ITGB3: variants seen among roughly 807,000 people sequenced by gnomAD.
ITGB3 encodes the protein integrin beta-3.
ITGB3 carries 48 observed loss-of-function variants against 85.8 expected under a neutral mutation model. That is an observed-to-expected ratio of 0.56 (90% confidence interval 0.44 to 0.71). The LOEUF (loss-of-function observed/expected upper bound fraction) is 0.71. Ranked by LOEUF, ITGB3 falls within the 30% of genes least tolerant of loss-of-function variation. The pLI, the probability that ITGB3 is intolerant of heterozygous loss-of-function variation, is 0.00. For missense variants in ITGB3, 861 were observed against 1,019.1 expected (o/e 0.84, Z 2.11); for synonymous variants, 363 against 395.6 (o/e 0.92, Z 0.98).
chr17:47,255,966 T>A lies in ITGB3; in HGVS notation c.79+2026T>A, dbSNP rs1248018998. Among the ~76,000 whole-genome samples the A allele has an allele frequency of 2.8e-5, 4 of 141,448 alleles. No homozygotes were observed. The East Asian group carries it at 8.3e-4, about 29-fold the overall frequency. The allele number at this position is 141,448 out of a possible 152,430, so 92.8% of individuals were successfully genotyped here. On this transcript the variant is annotated intron_variant, in intron 1 of 14. Transcript: ENST00000559488. ...GGAGAAATCCACCAGGGCAACTCAG[T>A]AAAAATAAATAAATAAATAAATAAA...
chr17:47,291,187 G>GA (rs776717284), intron 9 of ITGB3, 99 bp downstream of exon 9: 191 of 1,396,244 alleles, frequency 1.4e-4, no homozygotes, highest in Middle Eastern at 6.8e-4. Context: ...CCTTCCACCA[G>GA]AAAAAAAATA....
At chr17:47,276,303 A>C (rs916608471) in intron 2 of ITGB3, among the ~76,000 whole-genome samples, 1 of 152,180 alleles carries the variant, frequency 6.6e-6, no homozygotes, top group African/African-American at 2.4e-5. Context: ...CTAGCCATGC[A>C]GCTGAGGTGG....
rs2065094755 is a variant in ITGB3 at position 47,284,343 on chromosome 17, GC to G, written c.362-99del. ...AAAAGGGACCAGGGCTTTCTGGTTT[GC>G]TTTGATCATGCAATTTCTTAGTCCC... is the stretch of plus-strand genomic sequence containing the variant. On this transcript the variant is annotated intron_variant, in intron 3 of 14. Transcript: ENST00000559488. The G allele has an allele frequency of 9.9e-6, 14 of 1,414,864 alleles. No homozygotes were observed. In the South Asian group the frequency reaches 1.6e-4, roughly 17 times the overall value. 87.6% of individuals were successfully genotyped at this position (1,414,864 alleles called of 1,614,324 possible).
chr17:47,296,188 T>G (rs534326449), intron 10 of ITGB3, among the ~76,000 whole-genome samples: 3 of 152,296 alleles, frequency 2.0e-5, no homozygotes, highest in African/African-American at 7.2e-5. Flanking sequence ...CAGCCCAACA[T>G]CTCTACTTTC....
chr17:47,292,042 T>A (rs560633476), intron 9 of ITGB3, 97 bp from the exon 10 acceptor site: 1 of 1,292,796 alleles, frequency 7.7e-7, no homozygotes, highest in East Asian at 2.4e-5. Flanking sequence ...AATTTGGGTA[T>A]TCCTTGGCAG....
chr17:47,284,407 G>A (rs765545533), intron 3 of ITGB3, 36 bp from the exon 4 acceptor site: 39 of 1,613,484 alleles, frequency 2.4e-5, no homozygotes, highest in Admixed American at 1.2e-4. Context: ...CTTGGTGGGA[G>A]AAGAAGATAA....
chr17:47,270,191 A>G (rs566855781), intron 1 of ITGB3, among the ~76,000 whole-genome samples: 2 of 152,230 alleles, frequency 1.3e-5, no homozygotes, highest in Non-Finnish European at 2.9e-5. Flanking sequence ...TTGGGTGGAG[A>G]CACAGCCAAA....
chr17:47,258,736 C>T (rs1435944813), intron 1 of ITGB3, among the ~76,000 whole-genome samples: 2 of 152,188 alleles, frequency 1.3e-5, no homozygotes, highest in Non-Finnish European at 2.9e-5. Context: ...AGCTACTGTG[C>T]CAGGTGCCCC....
At chr17:47,255,221 C>G (rs760141556) in intron 1 of ITGB3, among the ~76,000 whole-genome samples, 17 of 152,046 alleles carry the variant, frequency 1.1e-4, no homozygotes, top group Non-Finnish European at 8.8e-5. Flanking sequence ...TCAAGTGATC[C>G]GCCCACCTCA....
intron 12 of ITGB3, among the ~76,000 whole-genome samples, chr17:47,302,441 G>A (rs2065170601): frequency 6.6e-6 from 1 of 152,168 alleles, no homozygotes; most frequent in East Asian, 1.9e-4. Flanking sequence ...AGGTAGTGAA[G>A]CCAGGATTTG....
Position 47,287,193 on chromosome 17 carries a change from G to A in ITGB3, c.901G>A (p.Val301Ile). Residue 301 changes from valine to isoleucine, a missense_variant, in exon 6 of 15, where the codon GTT becomes ATT. Coordinates refer to ENST00000559488, the MANE Select transcript of ITGB3 (RefSeq NM_000212.3). ...CCAGCCTAATGACGGGCAGTGTCATGTTGGTAGTGACAATCATTACTCTGC... is the reference window on the plus strand; with the variant it reads ...CCAGCCTAATGACGGGCAGTGTCATATTGGTAGTGACAATCATTACTCTGC... The part of the protein sequence containing the change: ...IVQPNDGQCH[V>I]GSDNHYSAST... 6 of 1,613,998 alleles carry A rather than the reference G, an allele frequency of 3.7e-6. No homozygotes were observed. Among genetic ancestry groups the A allele is most frequent in the Non-Finnish European group, 5.1e-6 (6 of 1,179,888 alleles).
chr17:47,287,007 A>T, intron 5 of ITGB3, 63 bp from the exon 6 acceptor site: 1 of 1,574,020 alleles, frequency 6.4e-7, no homozygotes, highest in Non-Finnish European at 8.7e-7. Context: ...TCTGTTCTCT[A>T]CCAGTGACAT....
rs200536313 is a variant in ITGB3, at chr17:47,288,206, AAGAGAGAG to A, written c.939+1003_939+1010del. Among the ~76,000 whole-genome samples, 304 of 134,922 alleles carry A rather than the reference AAGAGAGAG, an allele frequency of 2.3e-3. 1 individual carries two copies. The highest frequency in any genetic ancestry group is 7.9e-3 in the South Asian group (31 of 3,916). 88.5% of individuals were successfully genotyped at this position (134,922 alleles called of 152,430 possible). The stretch of plus-strand genomic sequence containing the variant: ...CCTAGTGGAGACCCCTTCTCTTAGA[AAGAGAGAG>A]AGAGAGAGAGAGAGAGAGAGAGAGA... On this transcript the variant is annotated intron_variant, in intron 6 of 14. Transcript: ENST00000559488.
chr17:47,268,737 C>A (rs564272227), intron 1 of ITGB3, among the ~76,000 whole-genome samples: 1 of 152,200 alleles, frequency 6.6e-6, no homozygotes, highest in Non-Finnish European at 1.5e-5. Flanking sequence ...GCACATGGTG[C>A]AGGCTGTCAA....
chr17:47,280,448 C>G (rs1268394638), intron 2 of ITGB3, among the ~76,000 whole-genome samples: 2 of 152,148 alleles, frequency 1.3e-5, no homozygotes, highest in African/African-American at 4.8e-5. Flanking sequence ...CCTCCGCCTC[C>G]CTGGCTCAAG....
intron 10 of ITGB3, among the ~76,000 whole-genome samples, chr17:47,293,713 T>G (rs1304385842): frequency 6.6e-6 from 1 of 152,036 alleles, no homozygotes; most frequent in Admixed American, 6.6e-5. Context: ...GTTCAAGCAA[T>G]TCTCCTGCCT....
At chr17:47,274,353 G>A in intron 1 of ITGB3, 66 bp from the exon 2 acceptor site, 7 of 1,414,134 alleles carry the variant, frequency 5.0e-6, no homozygotes, top group Non-Finnish European at 6.9e-6. Flanking sequence ...AGTTGGGAAG[G>A]ATGAGGCAGG....
intron 1 of ITGB3, among the ~76,000 whole-genome samples, chr17:47,264,769 G>A (rs1262730056): frequency 2.0e-5 from 3 of 152,116 alleles, no homozygotes; most frequent in African/African-American, 7.2e-5. Context: ...GATCGTCCCA[G>A]GATTCACTCT....
chr17:47,261,935 T>C (rs2143035083), intron 1 of ITGB3, among the ~76,000 whole-genome samples: 1 of 152,384 alleles, frequency 6.6e-6, no homozygotes, highest in South Asian at 2.1e-4. Flanking sequence ...TATATGGATA[T>C]ATCAGAATTT....
Sources: allele counts gnomAD v4.1 joint callset (sites outside exome capture counted in the v4.1 genomes callset), GRCh38; gene constraint gnomAD v4.1.1; transcripts MANE v1.5; gene names NCBI Gene and HGNC (gene_info 2026-07-23, HGNC 2026-07-21).